Variants in FICD observed in about 807,000 individuals in gnomAD.
FICD encodes protein adenylyltransferase FICD.
In FICD, 13 loss-of-function variants were observed where a neutral mutation model predicts 28.0. The ratio of observed to expected loss-of-function variants is 0.46; its 90% CI spans 0.30 to 0.74. The LOEUF (loss-of-function observed/expected upper bound fraction) is 0.74. FICD is among the 30% of genes least tolerant of loss of function. The pLI is 0.07. For missense variants in FICD, 576 were observed against 624.5 expected, an observed-to-expected ratio of 0.92 and a Z score of 0.83; for synonymous variants, 268 against 266.4, an observed-to-expected ratio of 1.01 and a Z score of -0.06.
rs938611588 is a variant in FICD, at chr12:108,520,908, T to G, written c.*1433T>G. 5 of 152,188 alleles carry G rather than the reference T, an allele frequency of 3.3e-5. No individual in the cohort carries two copies. 9.4% of individuals were successfully genotyped at this position (152,188 alleles called of 1,614,324 possible). A position where few individuals can be genotyped will look rare whatever the true frequency, so the allele number is the denominator to read the frequency against. ...TAAAGTAGTTTATACAGTTCTTCAG[T>G]TGTATAAATAGCACAGAGTAGTTTT... On this transcript the variant is annotated 3_prime_UTR_variant, in exon 3 of 3. Transcript: ENST00000552695.
chr12:108,517,375 T>A, intron 2 of FICD, 102 bp downstream of exon 2: 3 of 998,142 alleles, frequency 3.0e-6, no homozygotes, highest in Non-Finnish European at 1.4e-6. Flanking sequence ...TGTGAACAAG[T>A]CAGCCCTGAG....
At position 108,518,642 on chromosome 12, in the gene FICD, C is replaced by T. The variant is rs765955642; in HGVS notation, c.544C>T (p.Arg182Trp). ...YHEKALVNRD[R>W]TLPLVEEIDQ... ...TGAGAAAGCACTGGTCAACCGCGATCGGACACTGCCTCTTGTGGAAGAGAT... is the reference window on the plus strand; with the variant it reads ...TGAGAAAGCACTGGTCAACCGCGATTGGACACTGCCTCTTGTGGAAGAGAT... The change falls in exon 3 of 3, where the codon CGG becomes TGG. Residue 182 changes from arginine (R) to tryptophan (W), a missense_variant. Coordinates refer to ENST00000552695, the MANE Select transcript of FICD (RefSeq NM_007076.3). This position sits in a 1 kb window ranked among gnomAD's most constrained non-coding sequence, Gnocchi z 4.4. 24 of 1,614,062 alleles carry T rather than the reference C, an allele frequency of 1.5e-5. No individual in the cohort carries two copies. Among genetic ancestry groups the T allele is most frequent in the South Asian group, 1.2e-4 (11 of 91,074 alleles).
chr12:108,516,612 G>A (rs1017259601), intron 1 of FICD, among the ~76,000 whole-genome samples: 1 of 152,234 alleles, frequency 6.6e-6, no homozygotes, highest in East Asian at 1.9e-4. Context: ...ATCAGCTCAA[G>A]TCGTTGAAGA....
rs552820677 is a variant in FICD at position 108,518,852 on chromosome 12, G to A, written c.754G>A (p.Ala252Thr). The A allele has an allele frequency of 8.1e-6, 13 of 1,614,186 alleles. No homozygotes were observed. Among genetic ancestry groups the A allele is most frequent in the Middle Eastern group, 3.3e-4 (2 of 6,062 alleles). Residue 252 changes from alanine to threonine, a missense_variant, in exon 3 of 3, where the codon GCC becomes ACC. Physicochemically the swap from Ala to Thr is moderately conservative, Grantham distance 58. Transcript: ENST00000552695. The surrounding 1 kb of genome is among the most constrained non-coding windows in gnomAD (Gnocchi z 4.4). ...CAGGCACATCCTGGAGACCCGCTAC[G>A]CCGTGCCCGGGAAGAGCCTGGAGGA... ...EIRHILETRY[A>T]VPGKSLEEQN...
intron 1 of FICD, among the ~76,000 whole-genome samples, chr12:108,516,532 C>T (rs892262618): frequency 2.0e-5 from 3 of 152,336 alleles, no homozygotes; most frequent in East Asian, 3.9e-4. Context: ...CACTTGCTCC[C>T]GGCGAGACTT....
rs770130552 is a variant in FICD, at chr12:108,520,036, C to T, written c.*561C>T. ...ATGAATGCCGACATTCCTTACTTAC[C>T]TGCAGGAAGACTTTTTGAGCCATAG... On this transcript the variant is annotated 3_prime_UTR_variant, in exon 3 of 3. Coordinates refer to ENST00000552695, the MANE Select transcript of FICD (RefSeq NM_007076.3). The T allele has an allele frequency of 1.3e-5, 2 of 150,912 alleles. No homozygotes were observed. Among genetic ancestry groups the T allele is most frequent in the Non-Finnish European group, 2.9e-5 (2 of 67,958 alleles). The allele number at this position is 150,912 out of a possible 1,614,324, so 9.3% of individuals were successfully genotyped here.
Position 108,517,198 on chromosome 12 carries a change from A to G in FICD, c.226A>G (p.Thr76Ala), listed in dbSNP as rs764199332. Residue 76 changes from threonine (T) to alanine (A), a missense_variant, in exon 2 of 3, where the codon ACC becomes GCC. Transcript: ENST00000552695. ...GGCGCAGCATGCCGCCACCAAGTGC[A>G]CCAGCCCGTCCACGGAGCTCAGCAT... ...DRAQHAATKC[T>A]SPSTELSITS... 2 of 1,590,370 alleles carry G rather than the reference A, an allele frequency of 1.3e-6. No individual in the cohort carries two copies. The highest frequency in any genetic ancestry group is 2.7e-5 in the African/African-American group (2 of 74,664).
Position 108,517,161 on chromosome 12 carries a change from C to A in FICD, c.189C>A (p.Ser63Arg). The A allele has an allele frequency of 6.2e-7, 1 of 1,605,498 alleles. No homozygotes were observed. Among genetic ancestry groups the A allele is most frequent in the Non-Finnish European group, 8.5e-7 (1 of 1,176,014 alleles). Residue 63 changes from serine to arginine, a missense_variant, in exon 2 of 3, where the codon AGC (serine) becomes AGA (arginine). Coordinates refer to ENST00000552695, the MANE Select transcript of FICD (RefSeq NM_007076.3). ...AVLKGLYLLR[S>R]KPDRAQHAAT... ...TCAAAGGCCTCTACCTGCTCAGGAG[C>A]AAACCGGACAGGGCGCAGCATGCCG...
chr12:108,520,342 C>T lies in FICD; in HGVS notation c.*867C>T, dbSNP rs1404248019. 3 of 152,174 alleles carry T rather than the reference C, an allele frequency of 2.0e-5. No individual in the cohort carries two copies. Among genetic ancestry groups the T allele is most frequent in the East Asian group, 3.8e-4 (2 of 5,196 alleles). The allele number at this position is 152,174 out of a possible 1,614,324, so 9.4% of individuals were successfully genotyped here. A position where few individuals can be genotyped will look rare whatever the true frequency, so the allele number is the denominator to read the frequency against. On this transcript the variant is annotated 3_prime_UTR_variant, in exon 3 of 3. Coordinates refer to ENST00000552695, the MANE Select transcript of FICD (RefSeq NM_007076.3). ...TGCTAGTAGGCATCTGCCCTCACCC[C>T]TCTGCCTGAGTTTTCTGTAGGCAGA...
At chr12:108,516,847 C>A in intron 1 of FICD, 68 bp from the exon 2 acceptor site, 1 of 754,030 alleles carries the variant, frequency 1.3e-6, no homozygotes, top group Non-Finnish European at 2.0e-6. Flanking sequence ...CCAAACCCAT[C>A]TTCCCAGCTG....
chr12:108,520,770 G>A lies in FICD; in HGVS notation c.*1295G>A, dbSNP rs1034014131. On this transcript the variant is annotated 3_prime_UTR_variant, in exon 3 of 3. Transcript: ENST00000552695. ...ACTGGGTCCCTTTCCCAGTGACAGA[G>A]CCCATGATGTCTAACACTACTGCAC... 3.3e-5 allele frequency: 5 copies of A among 152,226 alleles called. No homozygotes were observed. Among genetic ancestry groups the A allele is most frequent in the African/African-American group, 9.7e-5 (4 of 41,442 alleles). The allele number at this position is 152,226 out of a possible 1,614,324, so 9.4% of individuals were successfully genotyped here. A position where few individuals can be genotyped will look rare whatever the true frequency, so the allele number is the denominator to read the frequency against.
At position 108,518,237 on chromosome 12, in the gene FICD, G is replaced by C; in HGVS notation, c.302-163G>C. 1.4e-6 allele frequency: 1 copy of C among 710,556 alleles called. No homozygotes were observed. Among genetic ancestry groups the C allele is most frequent in the Non-Finnish European group, 2.6e-6 (1 of 391,528 alleles). The allele number at this position is 710,556 out of a possible 1,614,324, so 44.0% of individuals were successfully genotyped here. ...GGCTGGGGCAACAGAGTGGTACCGG[G>C]CATGTTGAGTACACACGATGCGGCT... is the stretch of plus-strand genomic sequence containing the variant. On this transcript the variant is annotated intron_variant, in intron 2 of 2. Coordinates refer to ENST00000552695, the MANE Select transcript of FICD (RefSeq NM_007076.3). This position sits in a 1 kb window ranked among gnomAD's most constrained non-coding sequence, Gnocchi z 4.4.
chr12:108,518,041 A>G lies in FICD; in HGVS notation c.302-359A>G. On this transcript the variant is annotated intron_variant, in intron 2 of 2. Coordinates refer to ENST00000552695, the MANE Select transcript of FICD (RefSeq NM_007076.3). This position sits in a 1 kb window ranked among gnomAD's most constrained non-coding sequence, Gnocchi z 4.4. The stretch of plus-strand genomic sequence containing the variant: ...GCTGGAGATGTAGGAGACGGCCTAC[A>G]CTGGGAGCTGTGGCCCACAGGAAAG... 1.5e-6 allele frequency: 1 copy of G among 686,468 alleles called. No homozygotes were observed. Among genetic ancestry groups the G allele is most frequent in the Non-Finnish European group, 2.7e-6 (1 of 375,858 alleles). The allele number at this position is 686,468 out of a possible 1,614,324, so 42.5% of individuals were successfully genotyped here.
rs765136767 is a variant in FICD at position 108,519,645 on chromosome 12, AATAACTT to A, written c.*175_*181del. On this transcript the variant is annotated 3_prime_UTR_variant, in exon 3 of 3. Transcript: ENST00000552695. The surrounding 1 kb of genome is among the most constrained non-coding windows in gnomAD (Gnocchi z 4.5). The stretch of plus-strand genomic sequence containing the variant: ...CTAAGTTATGAAGCCTTGTCTCTAA[AATAACTT>A]ATAATTCAACCAAGCTATTTATTTT... The A allele has an allele frequency of 5.3e-6, 3 of 561,398 alleles. No individual in the cohort carries two copies. The Middle Eastern group carries it at 1.3e-3, about 252-fold the overall frequency. The allele number at this position is 561,398 out of a possible 1,614,324, so 34.8% of individuals were successfully genotyped here.
chr12:108,519,547 C>G lies in FICD; in HGVS notation c.*72C>G. 3 of 913,784 alleles carry G rather than the reference C, an allele frequency of 3.3e-6. No individual in the cohort carries two copies. In the South Asian group the frequency reaches 5.7e-5, roughly 17 times the overall value. The allele number at this position is 913,784 out of a possible 1,614,324, so 56.6% of individuals were successfully genotyped here. A position where few individuals can be genotyped will look rare whatever the true frequency, so the allele number is the denominator to read the frequency against. On this transcript the variant is annotated 3_prime_UTR_variant, in exon 3 of 3. Transcript: ENST00000552695. The surrounding 1 kb of genome is among the most constrained non-coding windows in gnomAD (Gnocchi z 4.5). ...AAAAAGAAACAGCATTTCTAGAAAC[C>G]TAGTCACTTCCTAAAGCAAAAGGAG...
chr12:108,515,656 C>T (rs1387977933), intron 1 of FICD, among the ~76,000 whole-genome samples: 1 of 152,150 alleles, frequency 6.6e-6, no homozygotes, highest in Non-Finnish European at 1.5e-5. Context: ...CCGCCCAGAC[C>T]CCTGGACCCG....
chr12:108,515,607 C>G (rs1006077390), intron 1 of FICD, among the ~76,000 whole-genome samples: 7 of 152,152 alleles, frequency 4.6e-5, no homozygotes, highest in African/African-American at 1.7e-4. Context: ...GCCCCCTTTC[C>G]TGTACCGCCC....
rs1420656174 is a variant in FICD, at chr12:108,518,713, C to T, written c.615C>T (p.Val205=). ...FSIIDSKVKK[V]MSIPKGNSAL... is the part of the protein sequence containing the mutation. ...TCATCGACAGCAAAGTGAAGAAGGT[C>T]ATGTCCATCCCCAAGGGGAACTCAG... The change falls in exon 3 of 3, where the codon GTC becomes GTT. Residue 205 remains valine (V), a synonymous_variant. Transcript: ENST00000552695. This position sits in a 1 kb window ranked among gnomAD's most constrained non-coding sequence, Gnocchi z 4.4. 1.2e-6 allele frequency: 2 copies of T among 1,614,084 alleles called. No individual in the cohort carries two copies. Among genetic ancestry groups the T allele is most frequent in the African/African-American group, 2.7e-5 (2 of 74,932 alleles).
rs769545515 is a variant in FICD at position 108,518,898 on chromosome 12, T to C, written c.800T>C (p.Met267Thr). ...SLEEQNEVIGMHAAMKYINTT... is the reference protein window; with the variant it reads ...SLEEQNEVIGTHAAMKYINTT... The stretch of plus-strand genomic sequence containing the variant: ...GAGGAGCAGAACGAGGTCATAGGCA[T>C]GCATGCAGCCATGAAGTACATCAAC... Residue 267 changes from methionine (M) to threonine (T), a missense_variant, in exon 3 of 3, where the codon ATG (methionine) becomes ACG (threonine). Coordinates refer to ENST00000552695, the MANE Select transcript of FICD (RefSeq NM_007076.3). This position sits in a 1 kb window ranked among gnomAD's most constrained non-coding sequence, Gnocchi z 4.4. 7.4e-6 allele frequency: 12 copies of C among 1,614,134 alleles called. No homozygotes were observed. Among genetic ancestry groups the C allele is most frequent in the Non-Finnish European group, 8.5e-6 (10 of 1,180,036 alleles).
Sources: allele counts gnomAD v4.1 joint callset (sites outside exome capture counted in the v4.1 genomes callset), GRCh38; gene constraint gnomAD v4.1.1; non-coding constraint Gnocchi (gnomAD v3.1); transcripts MANE v1.5; gene names NCBI Gene and HGNC (gene_info 2026-07-23, HGNC 2026-07-21).